LCA5: variants seen among roughly 807,000 people sequenced by gnomAD.
LCA5 encodes the protein lebercilin LCA5.
LCA5 carries 37 observed loss-of-function variants against 53.0 expected under a neutral mutation model. The ratio of observed to expected loss-of-function variants is 0.70; its 90% CI spans 0.54 to 0.92. The LOEUF is 0.92. LCA5 is among the 40% of genes least tolerant of loss of function. The probability of loss-of-function intolerance (pLI) is 0.00; values close to 1 mark genes in which losing one functional copy is unlikely to be tolerated. For synonymous variants in LCA5, 303 were observed against 282.9 expected (o/e 1.07, Z -0.71); for missense variants, 806 against 790.5 (o/e 1.02, Z -0.23).
In LCA5 at chr6:79,486,980, A is replaced by T; in HGVS notation, c.*24T>A. On this transcript the variant is annotated 3_prime_UTR_variant, in exon 8 of 8. Transcript: ENST00000369846. ...TTAAAATATTTCAATATTTACAATT[A>T]GAAAAAATGTATACTCTAGTCAGTC... 6.4e-7 allele frequency: 1 copy of T among 1,573,580 alleles called. No homozygotes were observed. Among genetic ancestry groups the T allele is most frequent in the Non-Finnish European group, 8.7e-7 (1 of 1,151,328 alleles).
rs545576393 is a variant in LCA5, at chr6:79,491,153, G to A, written c.1098+435C>T. ...ACTGAGGGTTTTCCAAGACTATGTC[G>A]GTACATAAGAGAAACTTAGAAGGCA... is the stretch of plus-strand genomic sequence containing the variant. On this transcript the variant is annotated intron_variant, in intron 6 of 7. Transcript: ENST00000369846. Among the ~76,000 whole-genome samples the A allele has an allele frequency of 5.8e-4, 88 of 151,894 alleles. 1 individual carries two copies. The highest frequency in any genetic ancestry group is 1.9e-3 in the African/African-American group (80 of 41,458).
chr6:79,510,204 A>G (rs1770375404), intron 3 of LCA5, among the ~76,000 whole-genome samples: 1 of 152,188 alleles, frequency 6.6e-6, no homozygotes, highest in Non-Finnish European at 1.5e-5. Context: ...ATAAACCCAT[A>G]AAAATATGCC....
rs139142572 is a variant in LCA5, at chr6:79,492,604, C to A, written c.902G>T (p.Arg301Leu). The change falls in exon 5 of 8, where the codon CGT becomes CTT. Residue 301 changes from arginine to leucine, a missense_variant. Physicochemically the swap from Arg to Leu is moderately radical, Grantham distance 102. Coordinates refer to ENST00000369846, the MANE Select transcript of LCA5 (RefSeq NM_001122769.3). ...TTTATTTGGAGAGGACTTTGGCAGA[C>A]GATTAGAATATATATTTTTTATATC... ...ELDIKNIYSN[R>L]LPKSSPNKEK... The A allele has an allele frequency of 4.5e-6, 7 of 1,568,080 alleles. No homozygotes were observed. The highest frequency in any genetic ancestry group is 6.1e-6 in the Non-Finnish European group (7 of 1,144,296).
chr6:79,505,744 T>C (rs1295294496), intron 3 of LCA5, among the ~76,000 whole-genome samples: 1 of 152,106 alleles, frequency 6.6e-6, no homozygotes, highest in Non-Finnish European at 1.5e-5. Context: ...TTTGGGTTTC[T>C]GAAGGGTGAA....
intron 1 of LCA5, among the ~76,000 whole-genome samples, chr6:79,528,855 A>G (rs1368249271): frequency 1.3e-5 from 2 of 152,190 alleles, no homozygotes; most frequent in African/African-American, 2.4e-5. Context: ...AGTGGGGCAT[A>G]TGTGTTATGC....
intron 2 of LCA5, among the ~76,000 whole-genome samples, chr6:79,515,287 A>G (rs970130075): frequency 5.3e-5 from 8 of 152,230 alleles, no homozygotes; most frequent in South Asian, 2.1e-4. Context: ...CATTCCACTT[A>G]TCGGAGATGG....
rs762394327 is a variant in LCA5, at chr6:79,487,017, ACTT to A, written c.2078_2080del (p.Glu693del). 6.8e-6 allele frequency: 11 copies of A among 1,612,942 alleles called. No individual in the cohort carries two copies. In the African/African-American group the frequency reaches 1.2e-4, roughly 18 times the overall value. ...TACTCTAGTCAGTCATCTCAGTGCT[ACTT>A]CTTCAATTTCATCTTCTACAGAATC... On this transcript the variant is annotated inframe_deletion, in exon 8 of 8. Transcript: ENST00000369846.
At chr6:79,513,865 C>T (rs1175735787) in intron 2 of LCA5, 124 bp from the exon 3 acceptor site, 19 of 895,180 alleles carry the variant, frequency 2.1e-5, no homozygotes, top group Middle Eastern at 5.1e-4. Context: ...AAGGATTTTA[C>T]AATATTTAGT....
intron 3 of LCA5, among the ~76,000 whole-genome samples, chr6:79,505,275 A>T (rs1168532377): frequency 1.3e-5 from 2 of 152,180 alleles, no homozygotes; most frequent in Non-Finnish European, 2.9e-5. Context: ...TTCATTATAA[A>T]TCTTCTCCCT....
At chr6:79,530,519 GAAAAC>G (rs573838733) in intron 1 of LCA5, among the ~76,000 whole-genome samples, 27 of 152,124 alleles carry the variant, frequency 1.8e-4, no homozygotes, top group South Asian at 6.2e-4. Context: ...GTTTAAGAAA[GAAAAC>G]AAAACAAAAC....
chr6:79,507,818 T>C (rs1282736351), intron 3 of LCA5, among the ~76,000 whole-genome samples: 1 of 152,156 alleles, frequency 6.6e-6, no homozygotes, highest in African/African-American at 2.4e-5. Flanking sequence ...GTGAAAATGC[T>C]ATATAAACTG....
In LCA5 at chr6:79,513,666, T is replaced by C. The variant is rs767686732; in HGVS notation, c.266A>G (p.Asn89Ser). ...VRVGFRSQSLNREPLRKDTDL... is the reference protein window; with the variant it reads ...VRVGFRSQSLSREPLRKDTDL... The stretch of plus-strand genomic sequence containing the variant: ...AGTATCTTTCCGAAGTGGCTCTCTA[T>C]TGAGGCTCTGGGAGCGAAATCCCAC... The change falls in exon 3 of 8, where the codon AAT becomes AGT. Residue 89 changes from asparagine to serine, a missense_variant. Transcript: ENST00000369846. 4 of 1,613,844 alleles carry C rather than the reference T, an allele frequency of 2.5e-6. No individual in the cohort carries two copies. The highest frequency in any genetic ancestry group is 1.1e-5 in the South Asian group (1 of 91,078).
Position 79,487,693 on chromosome 6 carries a change from C to A in LCA5, c.1405G>T (p.Ala469Ser). 1 of 1,613,810 alleles carries A rather than the reference C, an allele frequency of 6.2e-7. No homozygotes were observed. Among genetic ancestry groups the A allele is most frequent in the Non-Finnish European group, 8.5e-7 (1 of 1,179,790 alleles). ...TCTCTGTCAATTTCATTCAGTTTAG[C>A]AAGTAGCATTTCTCTCTTCAGTCTT... ...EERLKREMLL[A>S]KLNEIDRELQ... Residue 469 changes from alanine (A) to serine (S), a missense_variant, in exon 8 of 8, where the codon GCT (alanine) becomes TCT (serine). By Grantham distance (99) the Ala-to-Ser change is moderately conservative. Coordinates refer to ENST00000369846, the MANE Select transcript of LCA5 (RefSeq NM_001122769.3).
intron 3 of LCA5, among the ~76,000 whole-genome samples, chr6:79,498,181 A>C (rs1320078695): frequency 6.6e-6 from 1 of 152,012 alleles, no homozygotes; most frequent in Non-Finnish European, 1.5e-5. Context: ...CTAAAAAAAA[A>C]AAAAGTATGT....
At chr6:79,530,012 G>T (rs1276754078) in intron 1 of LCA5, among the ~76,000 whole-genome samples, 2 of 151,266 alleles carry the variant, frequency 1.3e-5, no homozygotes, top group Non-Finnish European at 3.0e-5. Context: ...TGTAAATGAC[G>T]AGTTAATGGG....
chr6:79,514,426 T>A (rs1766365110), intron 2 of LCA5, among the ~76,000 whole-genome samples: 3 of 152,132 alleles, frequency 2.0e-5, no homozygotes, highest in African/African-American at 7.2e-5. Context: ...GAGTATAAAT[T>A]AGTTCAACCA....
chr6:79,528,734 G>C (rs1199537692), intron 1 of LCA5, among the ~76,000 whole-genome samples: 3 of 152,058 alleles, frequency 2.0e-5, no homozygotes, highest in Non-Finnish European at 4.4e-5. Context: ...AATCAACAAA[G>C]ACTCATCAAT....
chr6:79,505,944 A>G (rs1770261720), intron 3 of LCA5, among the ~76,000 whole-genome samples: 1 of 152,188 alleles, frequency 6.6e-6, no homozygotes, highest in Admixed American at 6.5e-5. Flanking sequence ...AGGGAAGACA[A>G]TGTAAGTAAA....
intron 1 of LCA5, among the ~76,000 whole-genome samples, chr6:79,530,501 A>C (rs1352741755): frequency 1.3e-5 from 2 of 152,172 alleles, no homozygotes; most frequent in East Asian, 3.8e-4. Context: ...GTACCCCTGA[A>C]CTTAAAAGTT....
Sources: gnomAD v4.1 joint callset for allele counts (sites outside exome capture counted in the v4.1 genomes callset) on GRCh38, gnomAD v4.1.1 for gene constraint, MANE v1.5 for transcripts, NCBI Gene and HGNC (gene_info 2026-07-23, HGNC 2026-07-21) for gene names.